Variants in TFDP2 observed in about 807,000 individuals in gnomAD.
TFDP2 encodes the protein transcription factor Dp-2 (E2F dimerization partner 2).
TFDP2 carries 17 observed loss-of-function variants against 59.3 expected under a neutral mutation model. The ratio of observed to expected loss-of-function variants is 0.29; its 90% CI spans 0.20 to 0.43. TFDP2 has a LOEUF of 0.43. Among genes scored for constraint, TFDP2 ranks in the 20% least tolerant of loss-of-function variants. The pLI is 1.00. For missense variants in TFDP2, 391 were observed against 528.8 expected, an observed-to-expected ratio of 0.74 and a Z score of 2.56; for synonymous variants, 180 against 194.7, an observed-to-expected ratio of 0.92 and a Z score of 0.63.
At chr3:142,120,963 A>G (rs908074661) in intron 1 of TFDP2, among the ~76,000 whole-genome samples, 1 of 152,090 alleles carries the variant, frequency 6.6e-6, no homozygotes. Context: ...ACGGAAAATT[A>G]AATTCTCCCA....
At chr3:142,031,323 G>C (rs1196816057) in intron 3 of TFDP2, among the ~76,000 whole-genome samples, 1 of 152,044 alleles carries the variant, frequency 6.6e-6, no homozygotes, top group Non-Finnish European at 1.5e-5. Context: ...CACTGAGCTG[G>C]GCAACAAATT....
intron 3 of TFDP2, 62 bp downstream of exon 3, chr3:142,092,999 T>C: frequency 8.7e-7 from 1 of 1,153,212 alleles, no homozygotes; most frequent in East Asian, 2.6e-5. Context: ...AGCTGCATAT[T>C]TTACAAAACA....
chr3:142,097,186 T>C (rs1158905460), intron 2 of TFDP2, among the ~76,000 whole-genome samples: 1 of 152,192 alleles, frequency 6.6e-6, no homozygotes, highest in Non-Finnish European at 1.5e-5. Context: ...CACAAGTATA[T>C]ATATAAATCT....
intron 8 of TFDP2, among the ~76,000 whole-genome samples, chr3:141,971,350 A>C (rs1939703481): frequency 6.8e-6 from 1 of 146,026 alleles, no homozygotes; most frequent in Admixed American, 6.8e-5. Flanking sequence ...CAGCCTGGCC[A>C]ATAAGGTGAA....
rs190635254 is a variant in TFDP2, at chr3:142,133,171, A to C, written c.-93+16012T>G. Among the ~76,000 whole-genome samples the C allele has an allele frequency of 1.9e-4, 29 of 150,344 alleles. No individual in the cohort carries two copies. In the East Asian group the frequency reaches 3.9e-3, roughly 20 times the overall value. On this transcript the variant is annotated intron_variant, in intron 1 of 12. Coordinates refer to ENST00000489671, the MANE Select transcript of TFDP2 (RefSeq NM_001178139.2). ...CAAATTCATCAAGCTGTGTAATTATAATACTATATGTATAACTTTTTGAAT... is the reference window on the plus strand; with the variant it reads ...CAAATTCATCAAGCTGTGTAATTATCATACTATATGTATAACTTTTTGAAT...
chr3:142,089,197 C>A (rs973663521), intron 3 of TFDP2, among the ~76,000 whole-genome samples: 9 of 151,230 alleles, frequency 6.0e-5, no homozygotes, highest in African/African-American at 1.9e-4. Context: ...TTTGTCAATG[C>A]TCTTGCATTT....
chr3:142,101,565 A>G (rs2061320266), intron 2 of TFDP2, among the ~76,000 whole-genome samples, 170 bp downstream of exon 2: 1 of 152,200 alleles, frequency 6.6e-6, no homozygotes, highest in South Asian at 2.1e-4. Flanking sequence ...AGGGCACCAT[A>G]TTCAATCGCA....
At chr3:142,011,611 AAAAG>A (rs1308914362) in intron 3 of TFDP2, among the ~76,000 whole-genome samples, 7 of 150,966 alleles carry the variant, frequency 4.6e-5, no homozygotes, top group Non-Finnish European at 7.4e-5. Flanking sequence ...AGAAAAAAAA[AAAAG>A]AAGTGAGGAA....
chr3:142,022,844 G>A (rs1004113896), intron 3 of TFDP2, among the ~76,000 whole-genome samples: 32 of 152,076 alleles, frequency 2.1e-4, no homozygotes, highest in African/African-American at 7.5e-4. Flanking sequence ...TTCCTGGGCC[G>A]GGCACAGGTG....
chr3:142,111,555 AAC>A (rs1243040768), intron 1 of TFDP2, among the ~76,000 whole-genome samples: 9 of 152,138 alleles, frequency 5.9e-5, no homozygotes, highest in Non-Finnish European at 1.3e-4. Context: ...AAGAAAAAAA[AAC>A]ACACAAACTG....
At chr3:142,109,052 T>G (rs1354400580) in intron 1 of TFDP2, among the ~76,000 whole-genome samples, 1 of 152,222 alleles carries the variant, frequency 6.6e-6, no homozygotes, top group East Asian at 1.9e-4. Context: ...CATTGTCTAT[T>G]TATTTCTGTG....
At chr3:142,009,083 ATTACT>A (rs1210333624) in intron 3 of TFDP2, among the ~76,000 whole-genome samples, 1 of 152,160 alleles carries the variant, frequency 6.6e-6, no homozygotes, top group Non-Finnish European at 1.5e-5. Context: ...AAAACCTGTT[ATTACT>A]GACTTGCAAT....
intron 1 of TFDP2, among the ~76,000 whole-genome samples, chr3:142,127,088 CTATA>C (rs920358797): frequency 2.7e-5 from 4 of 148,192 alleles, no homozygotes; most frequent in Non-Finnish European, 4.5e-5. Flanking sequence ...ATGTATCTAC[CTATA>C]TAATTATATA....
At chr3:142,090,646 C>T (rs1161346844) in intron 3 of TFDP2, 2 of 151,518 alleles carry the variant, frequency 1.3e-5, no homozygotes, top group East Asian at 1.9e-4. Context: ...CTGCAGCTTC[C>T]GCCTCCTGGG....
At chr3:141,969,091 C>G (rs563715745) in intron 9 of TFDP2, among the ~76,000 whole-genome samples, 1 of 43,218 alleles carries the variant, frequency 2.3e-5, no homozygotes, top group Admixed American at 3.0e-4. Flanking sequence ...ATATATATAA[C>G]ATATATATAT....
chr3:142,026,637 A>C (rs1469315238), intron 3 of TFDP2, among the ~76,000 whole-genome samples: 23 of 152,250 alleles, frequency 1.5e-4, no homozygotes, highest in Non-Finnish European at 8.8e-5. Flanking sequence ...AACTTAAGAA[A>C]TGAATAAAGT....
At chr3:142,019,855 T>C (rs1419154769) in intron 3 of TFDP2, among the ~76,000 whole-genome samples, 2 of 152,254 alleles carry the variant, frequency 1.3e-5, no homozygotes, top group African/African-American at 4.8e-5. Flanking sequence ...TTTTCTATTC[T>C]GCTCCACTGA....
chr3:142,135,834 T>C (rs1402847631), intron 1 of TFDP2, among the ~76,000 whole-genome samples: 1 of 152,098 alleles, frequency 6.6e-6, no homozygotes, highest in African/African-American at 2.4e-5. Context: ...TTCCAAGTCT[T>C]TGCTATTGTG....
intron 3 of TFDP2, among the ~76,000 whole-genome samples, chr3:142,018,940 T>TTTC (rs1262535153): frequency 2.0e-5 from 3 of 151,054 alleles, no homozygotes; most frequent in Non-Finnish European, 4.4e-5. Context: ...TTTTTTTTTT[T>TTTC]TTTTTTGGTA....
Sources: allele counts gnomAD v4.1 joint callset (sites outside exome capture counted in the v4.1 genomes callset), GRCh38; gene constraint gnomAD v4.1.1; transcripts MANE v1.5; gene names NCBI Gene and HGNC (gene_info 2026-07-23, HGNC 2026-07-21).